The following TMX2 variants were observed in gnomAD, a reference collection of about 807,000 sequenced individuals.
TMX2 encodes the protein thioredoxin-related transmembrane protein 2.
In TMX2, 20 loss-of-function variants were observed where a neutral mutation model predicts 33.4. The ratio of observed to expected loss-of-function variants is 0.60; its 90% CI spans 0.42 to 0.87. The LOEUF is 0.87. Ranked by LOEUF, TMX2 falls within the 40% of genes least tolerant of loss-of-function variation. The probability of loss-of-function intolerance (pLI) is 0.00; values close to 1 mark genes in which losing one functional copy is unlikely to be tolerated. For synonymous variants in TMX2, 166 were observed against 140.7 expected (o/e 1.18, Z -1.27); for missense variants, 340 against 370.7 (o/e 0.92, Z 0.68).
intron 1 of TMX2, among the ~76,000 whole-genome samples, chr11:57,720,543 GGC>G (rs1290603606): frequency 6.6e-6 from 1 of 152,206 alleles, no homozygotes; most frequent in Non-Finnish European, 1.5e-5. Context: ...TGGGATCACA[GGC>G]GTGTGCCATC....
At chr11:57,733,358 C>T (rs1420803887) in intron 1 of TMX2, among the ~76,000 whole-genome samples, 1 of 149,358 alleles carries the variant, frequency 6.7e-6, no homozygotes, top group Admixed American at 6.8e-5. Flanking sequence ...CGGGTTCAAG[C>T]GATTCTCCTG....
intron 1 of TMX2, among the ~76,000 whole-genome samples, chr11:57,716,660 G>T (rs1300556444): frequency 7.2e-6 from 1 of 138,914 alleles, no homozygotes; most frequent in Non-Finnish European, 1.6e-5. Flanking sequence ...GGCCGAGCGG[G>T]GGGCTGACCC....
chr11:57,731,942 G>T (rs1030462213), intron 1 of TMX2, among the ~76,000 whole-genome samples: 2 of 152,044 alleles, frequency 1.3e-5, no homozygotes, highest in Admixed American at 1.3e-4. Flanking sequence ...TATAACAAGA[G>T]AAAAAGACTA....
chr11:57,718,407 G>T, intron 1 of TMX2: 1 of 1,385,424 alleles, frequency 7.2e-7, no homozygotes, highest in Non-Finnish European at 1.0e-6. Flanking sequence ...AATCCTTTTT[G>T]TCCAGTGCTC....
chr11:57,732,850 T>C (rs1270246407), intron 1 of TMX2, among the ~76,000 whole-genome samples: 6 of 152,058 alleles, frequency 3.9e-5, no homozygotes, highest in African/African-American at 1.4e-4. Flanking sequence ...GGGCTGAAAG[T>C]CCTAACCTGC....
chr11:57,732,108 A>G (rs1450427690), intron 1 of TMX2, among the ~76,000 whole-genome samples: 1 of 152,192 alleles, frequency 6.6e-6, no homozygotes, highest in Non-Finnish European at 1.5e-5. Flanking sequence ...CTCTTTATTC[A>G]TGTGTCTTTT....
rs1948830882 is a variant in TMX2, at chr11:57,737,647, A to G, written c.229A>G (p.Met77Val). The G allele has an allele frequency of 6.2e-7, 1 of 1,614,178 alleles. No individual in the cohort carries two copies. The highest frequency in any genetic ancestry group is 8.5e-7 in the Non-Finnish European group (1 of 1,180,002). ...EILMFLSAIVMMKNRRSITVE... is the reference protein window; with the variant it reads ...EILMFLSAIVVMKNRRSITVE... ...CCTGATGTTTCTCAGTGCCATTGTG[A>G]TGATGAAGAACCGCAGATCCAGTAA... The change falls in exon 2 of 8, where the codon ATG (methionine) becomes GTG (valine). Residue 77 changes from methionine (M) to valine (V), a missense_variant. By Grantham distance (21) the Met-to-Val change is conservative (BLOSUM62 1). Around this residue, in one of 3 missense-constraint regions of TMX2, gnomAD observed 25 missense variants for 46.5 expected, o/e 0.54. Transcript: ENST00000278422.
chr11:57,712,948 G>A (rs1043751100), intron 1 of TMX2, 141 bp downstream of exon 1: 1 of 851,812 alleles, frequency 1.2e-6, no homozygotes, highest in Non-Finnish European at 1.8e-6. Flanking sequence ...TAAGTGCAGG[G>A]TCCGAACCAT....
At chr11:57,728,585 G>GT (rs1014410509) in intron 1 of TMX2, among the ~76,000 whole-genome samples, 2 of 152,048 alleles carry the variant, frequency 1.3e-5, no homozygotes, top group Non-Finnish European at 2.9e-5. Context: ...TTCTGAGCTG[G>GT]TTTTTTGCTA....
chr11:57,739,024 C>G lies in TMX2; in HGVS notation c.599C>G (p.Thr200Ser). The change falls in exon 6 of 8, where the codon ACT (threonine) becomes AGT (serine). Residue 200 changes from threonine to serine, a missense_variant. This residue lies in a region of TMX2 where 209 missense variants were observed against 241.6 expected (regional missense o/e 0.87). Transcript: ENST00000278422. Reference sequence around the variant, plus strand: ...GGGAAGGTGGATGTTGGACGCTATACTGATGTTAGTACGCGGTATGTAAAG... The same window carrying G: ...GGGAAGGTGGATGTTGGACGCTATAGTGATGTTAGTACGCGGTATGTAAAG... ...NFGKVDVGRY[T>S]DVSTRYKVST... 6.2e-7 allele frequency: 1 copy of G among 1,614,110 alleles called. No homozygotes were observed. The highest frequency in any genetic ancestry group is 8.5e-7 in the Non-Finnish European group (1 of 1,180,044).
In TMX2 at chr11:57,740,131, G is replaced by A. The variant is rs757492232; in HGVS notation, c.777G>A (p.Glu259=). Residue 259 remains glutamate, a synonymous_variant, in exon 8 of 8, where the codon GAG becomes GAA. Coordinates refer to ENST00000278422, the MANE Select transcript of TMX2 (RefSeq NM_015959.4). ...TGATCCGAGAATTTAACTTAAATGAGCTATACCAGCGGGCCAAGAAACTAT... is the reference window on the plus strand; with the variant it reads ...TGATCCGAGAATTTAACTTAAATGAACTATACCAGCGGGCCAAGAAACTAT... ...ENVIREFNLN[E]LYQRAKKLSK... 13 of 1,613,928 alleles carry A rather than the reference G, an allele frequency of 8.1e-6. No homozygotes were observed. The highest frequency in any genetic ancestry group is 1.1e-5 in the Non-Finnish European group (13 of 1,179,860).
Position 57,738,135 on chromosome 11 carries a change from T to A in TMX2, c.364+109T>A, listed in dbSNP as rs904591861. ...TTGCAATCCCAAACATGTTTCTCCA[T>A]ACCCTTCTTCCATATCTCATACCTA... On this transcript the variant is annotated intron_variant, in intron 3 of 7. Transcript: ENST00000278422. 4 of 880,198 alleles carry A rather than the reference T, an allele frequency of 4.5e-6. No individual in the cohort carries two copies. In the African/African-American group the frequency reaches 6.8e-5, roughly 15 times the overall value. 54.5% of individuals were successfully genotyped at this position (880,198 alleles called of 1,614,324 possible).
chr11:57,738,086 T>C, intron 3 of TMX2, 60 bp downstream of exon 3: 1 of 1,365,864 alleles, frequency 7.3e-7, no homozygotes. Context: ...ATAGACTTGA[T>C]TGTGGAAACC....
chr11:57,723,804 A>G (rs1373028868), intron 1 of TMX2, among the ~76,000 whole-genome samples: 1 of 123,598 alleles, frequency 8.1e-6, no homozygotes, highest in Non-Finnish European at 1.8e-5. Flanking sequence ...CTCTGTCTCA[A>G]AAATAATAAT....
intron 1 of TMX2, among the ~76,000 whole-genome samples, chr11:57,731,012 C>A (rs1948352621): frequency 6.6e-6 from 1 of 151,190 alleles, no homozygotes; most frequent in Non-Finnish European, 1.5e-5. Flanking sequence ...GATTTTATTA[C>A]AAATATTGAG....
At chr11:57,728,603 GTTGT>G (rs1032561490) in intron 1 of TMX2, among the ~76,000 whole-genome samples, 1 of 152,160 alleles carries the variant, frequency 6.6e-6, no homozygotes, top group African/African-American at 2.4e-5. Context: ...CTAGGAAGTT[GTTGT>G]TTAAGGATCC....
Position 57,740,591 on chromosome 11 carries a change from A to C in TMX2, c.*346A>C. Reference sequence around the variant, plus strand: ...CTCTGTGGTTTCATCATTCCTTCTTAGTTGACCTGCACAGCTTGGTTAGAC... The same window carrying C: ...CTCTGTGGTTTCATCATTCCTTCTTCGTTGACCTGCACAGCTTGGTTAGAC... On this transcript the variant is annotated 3_prime_UTR_variant, in exon 8 of 8. Transcript: ENST00000278422. 5.0e-6 allele frequency: 1 copy of C among 200,702 alleles called. No individual in the cohort carries two copies. The highest frequency in any genetic ancestry group is 1.0e-5 in the Non-Finnish European group (1 of 97,840). 12.4% of individuals were successfully genotyped at this position (200,702 alleles called of 1,614,324 possible).
Position 57,738,988 on chromosome 11 carries a change from G to C in TMX2, c.563G>C (p.Gly188Ala). ...ADLSLKYNCT[G>A]LNFGKVDVGR... ...ATTCTTTTCAGATACAACTGTACAG[G>C]GCTAAATTTTGGGAAGGTGGATGTT... The change falls in exon 6 of 8, where the codon GGG becomes GCG. Residue 188 changes from glycine (G) to alanine (A), a missense_variant. By Grantham distance (60) the Gly-to-Ala change is moderately conservative (BLOSUM62 0). This residue lies in a region of TMX2 where 209 missense variants were observed against 241.6 expected (regional missense o/e 0.87). Coordinates refer to ENST00000278422, the MANE Select transcript of TMX2 (RefSeq NM_015959.4). The C allele has an allele frequency of 3.1e-6, 5 of 1,613,806 alleles. No individual in the cohort carries two copies. Among genetic ancestry groups the C allele is most frequent in the Non-Finnish European group, 4.2e-6 (5 of 1,179,980 alleles).
At chr11:57,717,895 A>G in intron 1 of TMX2, 2 of 608,106 alleles carry the variant, frequency 3.3e-6, no homozygotes, top group Non-Finnish European at 5.9e-6. Context: ...GTAAGGGAAC[A>G]AGGAAAACAC....
Sources: allele counts gnomAD v4.1 joint callset (sites outside exome capture counted in the v4.1 genomes callset), GRCh38; gene constraint gnomAD v4.1.1; regional missense constraint gnomAD v4.1.1; transcripts MANE v1.5; gene names NCBI Gene and HGNC (gene_info 2026-07-23, HGNC 2026-07-21).